ARHGAP15: variants seen among roughly 807,000 people sequenced by gnomAD.
ARHGAP15 encodes the protein rho GTPase-activating protein 15.
In ARHGAP15, 51 loss-of-function variants were observed where a neutral mutation model predicts 63.7. The ratio of observed to expected loss-of-function variants is 0.80; its 90% CI spans 0.64 to 1.01. ARHGAP15 has a LOEUF of 1.01. Among genes scored for constraint, ARHGAP15 ranks in the 50% least tolerant of loss-of-function variants. The pLI is 0.00. For missense variants in ARHGAP15, 560 were observed against 564.6 expected (o/e 0.99, Z 0.08); for synonymous variants, 191 against 193.8 (o/e 0.99, Z 0.12).
intron 11 of ARHGAP15, among the ~76,000 whole-genome samples, chr2:143,618,380 A>G (rs1380102371): frequency 6.6e-6 from 1 of 152,144 alleles, no homozygotes; most frequent in Non-Finnish European, 1.5e-5. Flanking sequence ...TGTGACTTTC[A>G]TGTACCCAGC....
At chr2:143,366,701 T>C (rs1686307205) in intron 6 of ARHGAP15, among the ~76,000 whole-genome samples, 1 of 152,092 alleles carries the variant, frequency 6.6e-6, no homozygotes, top group Admixed American at 6.5e-5. Context: ...GTTAAAGAAA[T>C]GATTCAAGTA....
chr2:143,669,046 C>T (rs1682381392), intron 12 of ARHGAP15, among the ~76,000 whole-genome samples: 1 of 152,044 alleles, frequency 6.6e-6, no homozygotes, highest in Non-Finnish European at 1.5e-5. Flanking sequence ...GGCCTCAGAC[C>T]CCTGAGCTTA....
In ARHGAP15 at chr2:143,196,054, A is replaced by C. The variant is rs927116176; in HGVS notation, c.166-6080A>C. ...TTTTTAATTCCTCTTTTTGGAGAAA[A>C]AGATATCTGAAAAACTTAATTATGA... On this transcript the variant is annotated intron_variant, in intron 2 of 13. Transcript: ENST00000295095. Among the ~76,000 whole-genome samples the C allele has an allele frequency of 2.0e-5, 3 of 152,154 alleles. No individual in the cohort carries two copies. In the South Asian group the frequency reaches 6.2e-4, roughly 31 times the overall value.
chr2:143,211,065 A>G (rs547075153), intron 3 of ARHGAP15, among the ~76,000 whole-genome samples: 105 of 152,298 alleles, frequency 6.9e-4, no homozygotes, highest in African/African-American at 2.5e-3. Flanking sequence ...ATGTACAGAT[A>G]AGCTGGAGTT....
At chr2:143,165,950 G>A (rs2919144) in intron 2 of ARHGAP15, among the ~76,000 whole-genome samples, 1 of 111,260 alleles carries the variant, frequency 9.0e-6, no homozygotes, top group Non-Finnish European at 1.9e-5. Context: ...AAAGAAGAAA[G>A]AAAGAAAGAG....
intron 10 of ARHGAP15, among the ~76,000 whole-genome samples, chr2:143,519,731 G>A (rs1693979759): frequency 6.6e-6 from 1 of 152,058 alleles, no homozygotes; most frequent in Non-Finnish European, 1.5e-5. Flanking sequence ...TTTTTGGTAA[G>A]CCCCCAACAT....
intron 6 of ARHGAP15, among the ~76,000 whole-genome samples, chr2:143,281,097 T>TA (rs1681825113): frequency 1.3e-5 from 2 of 152,040 alleles, no homozygotes; most frequent in Non-Finnish European, 1.5e-5. Context: ...TCAAGAAAAG[T>TA]AACAAAGATT....
intron 12 of ARHGAP15, among the ~76,000 whole-genome samples, chr2:143,689,892 C>T (rs1343694096): frequency 3.3e-5 from 5 of 152,158 alleles, no homozygotes. Context: ...AGTTATACTT[C>T]ATGGAAATTG....
intron 13 of ARHGAP15, among the ~76,000 whole-genome samples, chr2:143,727,972 G>C (rs1164051411): frequency 2.6e-5 from 4 of 152,208 alleles, no homozygotes; most frequent in East Asian, 3.8e-4. Context: ...TTTTAAAAAT[G>C]TGTATCTTTT....
At chr2:143,464,930 A>T (rs1188341695) in intron 8 of ARHGAP15, among the ~76,000 whole-genome samples, 1 of 152,156 alleles carries the variant, frequency 6.6e-6, no homozygotes, top group Non-Finnish European at 1.5e-5. Context: ...TTCACAATCA[A>T]ATATTTATTA....
At chr2:143,558,269 A>G (rs977377468) in intron 11 of ARHGAP15, among the ~76,000 whole-genome samples, 2 of 151,866 alleles carry the variant, frequency 1.3e-5, no homozygotes, top group African/African-American at 4.8e-5. Flanking sequence ...TTTACTTTCA[A>G]TATCCTCCTA....
At chr2:143,350,315 T>G (rs1414606300) in intron 6 of ARHGAP15, among the ~76,000 whole-genome samples, 3 of 152,282 alleles carry the variant, frequency 2.0e-5, no homozygotes, top group African/African-American at 4.8e-5. Flanking sequence ...ATCATTTGCC[T>G]GAGTTTCAAC....
chr2:143,359,210 T>C (rs556818868), intron 6 of ARHGAP15, among the ~76,000 whole-genome samples: 2 of 152,300 alleles, frequency 1.3e-5, no homozygotes, highest in South Asian at 4.1e-4. Flanking sequence ...TCTTAGGCAA[T>C]ACTTTTTTCT....
intron 8 of ARHGAP15, among the ~76,000 whole-genome samples, chr2:143,469,945 C>T (rs931139070): frequency 1.3e-5 from 2 of 151,982 alleles, no homozygotes; most frequent in African/African-American, 4.8e-5. Context: ...ATCTGACTCT[C>T]TCACTCTCTC....
chr2:143,311,719 G>C (rs1683456113), intron 6 of ARHGAP15, among the ~76,000 whole-genome samples: 1 of 152,098 alleles, frequency 6.6e-6, no homozygotes, highest in Non-Finnish European at 1.5e-5. Flanking sequence ...CAAGTTAACT[G>C]TACTCTTAGC....
At chr2:143,672,122 C>T (rs908918789) in intron 12 of ARHGAP15, among the ~76,000 whole-genome samples, 1 of 151,974 alleles carries the variant, frequency 6.6e-6, no homozygotes, top group Non-Finnish European at 1.5e-5. Context: ...AATATTTTAC[C>T]TACATAAAGG....
At chr2:143,498,364 C>T (rs1393307358) in intron 9 of ARHGAP15, among the ~76,000 whole-genome samples, 2 of 151,848 alleles carry the variant, frequency 1.3e-5, no homozygotes, top group Non-Finnish European at 2.9e-5. Context: ...GGGAGGGAGG[C>T]AAGAGGCCAT....
chr2:143,541,110 G>A (rs1010712395), intron 10 of ARHGAP15, among the ~76,000 whole-genome samples: 1 of 152,000 alleles, frequency 6.6e-6, no homozygotes, highest in African/African-American at 2.4e-5. Flanking sequence ...TTGTCTTCAT[G>A]CTTCATTTCA....
chr2:143,453,178 A>G (rs188028979), intron 8 of ARHGAP15, among the ~76,000 whole-genome samples: 5 of 152,062 alleles, frequency 3.3e-5, no homozygotes, highest in East Asian at 3.9e-4. Context: ...AGGTTAATCA[A>G]TTTACACAAA....
Sources: gnomAD v4.1 joint callset for allele counts (sites outside exome capture counted in the v4.1 genomes callset) on GRCh38, gnomAD v4.1.1 for gene constraint, MANE v1.5 for transcripts, NCBI Gene and HGNC (gene_info 2026-07-23, HGNC 2026-07-21) for gene names.